XRRA1: variants seen among roughly 807,000 people sequenced by gnomAD.
XRRA1 encodes the protein X-ray radiation resistance associated 1, also known as X-ray radiation resistance-associated protein 1.
XRRA1 carries 69 observed loss-of-function variants against 80.2 expected under a neutral mutation model. The observed-to-expected ratio is 0.86, with a 90% CI of 0.71 to 1.05. XRRA1 has a LOEUF of 1.05. Ranked by LOEUF, XRRA1 falls within the 50% of genes least tolerant of loss-of-function variation. XRRA1 has a pLI of 0.00. For missense variants in XRRA1, 967 were observed against 976.4 expected (o/e 0.99, Z 0.13); for synonymous variants, 348 against 389.9 (o/e 0.89, Z 1.27).
intron 13 of XRRA1, among the ~76,000 whole-genome samples, chr11:74,851,739 G>A (rs2039909233): frequency 1.3e-5 from 2 of 152,192 alleles, no homozygotes; most frequent in African/African-American, 4.8e-5. Flanking sequence ...GTGTGACCTT[G>A]GGCAGATCAT....
At chr11:74,844,396 G>A in intron 16 of XRRA1, 113 bp from the exon 17 acceptor site, 1 of 760,168 alleles carries the variant, frequency 1.3e-6, no homozygotes, top group Non-Finnish European at 2.2e-6. Flanking sequence ...AAGGATTTGA[G>A]AGTCCCCAAA....
chr11:74,892,081 GA>G (rs2050887818), intron 10 of XRRA1, among the ~76,000 whole-genome samples: 1 of 152,118 alleles, frequency 6.6e-6, no homozygotes, highest in African/African-American at 2.4e-5. Context: ...AACCAAAAAA[GA>G]GCCCGCATCG....
intron 10 of XRRA1, among the ~76,000 whole-genome samples, chr11:74,897,693 A>G (rs1170608224): frequency 6.7e-6 from 1 of 148,602 alleles, no homozygotes; most frequent in Non-Finnish European, 1.5e-5. Flanking sequence ...GTGGCATGAC[A>G]TATTTAAACT....
chr11:74,879,905 A>G (rs1306548751), intron 10 of XRRA1, among the ~76,000 whole-genome samples: 3 of 151,894 alleles, frequency 2.0e-5, no homozygotes, highest in East Asian at 1.9e-4. Context: ...ATGTTCATCA[A>G]AGATATGGGT....
At chr11:74,845,028 T>G (rs2037674371) in intron 16 of XRRA1, 45 bp downstream of exon 16, 8 of 1,592,516 alleles carry the variant, frequency 5.0e-6, no homozygotes, top group Non-Finnish European at 6.9e-6. Context: ...CTCTGAGCTG[T>G]GGAGATGGCC....
Position 74,843,211 on chromosome 11 carries a change from A to G in XRRA1, c.2392T>C (p.Ser798Pro). 2 of 1,557,146 alleles carry G rather than the reference A, an allele frequency of 1.3e-6. No individual in the cohort carries two copies. Among genetic ancestry groups the G allele is most frequent in the Non-Finnish European group, 1.7e-6 (2 of 1,150,400 alleles). Reference protein sequence around the residue: ...EFCQEPTASDSQG With the variant: ...EFCQEPTASDPQG Reference sequence around the variant, plus strand: ...CCCCATGCACAGCTCTAGCCTTGTGAGTCACTGGCTGTGGGCTCCTGGCAG... The same window carrying G: ...CCCCATGCACAGCTCTAGCCTTGTGGGTCACTGGCTGTGGGCTCCTGGCAG... Residue 798 changes from serine (S) to proline (P), a missense_variant, in exon 19 of 19, where the codon TCA becomes CCA. Transcript: ENST00000684022.
At chr11:74,943,005 G>A (rs1423964374) in intron 2 of XRRA1, among the ~76,000 whole-genome samples, 1 of 152,234 alleles carries the variant, frequency 6.6e-6, no homozygotes, top group Non-Finnish European at 1.5e-5. Flanking sequence ...CACTGAGGAT[G>A]AGGGAGGGCA....
intron 12 of XRRA1, among the ~76,000 whole-genome samples, chr11:74,855,041 CTCTG>C (rs1432559251): frequency 6.9e-6 from 1 of 145,240 alleles, no homozygotes; most frequent in Non-Finnish European, 1.5e-5. Flanking sequence ...CAGAGTGAGA[CTCTG>C]TCTCAAAAAA....
intron 18 of XRRA1, 179 bp from the exon 19 acceptor site, chr11:74,843,632 T>A: frequency 1.1e-6 from 1 of 893,188 alleles, no homozygotes; most frequent in Non-Finnish European, 1.7e-6. Flanking sequence ...CCCCTATGCA[T>A]TGACTCTATC....
At chr11:74,931,886 A>C (rs1943668383) in intron 5 of XRRA1, 1 of 152,198 alleles carries the variant, frequency 6.6e-6, no homozygotes, top group Admixed American at 6.5e-5. Flanking sequence ...AGTGTATGAG[A>C]AGTCCTATTT....
At chr11:74,911,734 A>T (rs367795516) in intron 8 of XRRA1, among the ~76,000 whole-genome samples, 3 of 152,138 alleles carry the variant, frequency 2.0e-5, no homozygotes, top group East Asian at 3.9e-4. Flanking sequence ...TTTAATATGT[A>T]TAAGAGATGT....
intron 10 of XRRA1, among the ~76,000 whole-genome samples, chr11:74,902,351 G>C (rs189862037): frequency 1.6e-4 from 24 of 152,314 alleles, no homozygotes; most frequent in African/African-American, 5.8e-4. Context: ...ATGAAGAACA[G>C]TTTGGAAGTT....
intron 10 of XRRA1, among the ~76,000 whole-genome samples, chr11:74,868,724 T>A (rs1356361951): frequency 6.6e-6 from 1 of 150,568 alleles, no homozygotes; most frequent in Non-Finnish European, 1.5e-5. Context: ...AAAACAGACA[T>A]TAAACCAACA....
chr11:74,929,800 T>C (rs1052891614), intron 6 of XRRA1, among the ~76,000 whole-genome samples: 1 of 152,158 alleles, frequency 6.6e-6, no homozygotes, highest in Non-Finnish European at 1.5e-5. Context: ...CTTTCACTGC[T>C]CTCCCCTCAT....
chr11:74,914,266 G>A (rs929756773), intron 8 of XRRA1, among the ~76,000 whole-genome samples: 1 of 152,134 alleles, frequency 6.6e-6, no homozygotes, highest in African/African-American at 2.4e-5. Flanking sequence ...GATTACAGGC[G>A]TGAGCCACCG....
At chr11:74,850,210 G>T (rs1462349973) in intron 14 of XRRA1, among the ~76,000 whole-genome samples, 1 of 152,170 alleles carries the variant, frequency 6.6e-6, no homozygotes, top group Non-Finnish European at 1.5e-5. Context: ...TTCATCTACT[G>T]TGAGGATTAT....
At chr11:74,872,355 T>G (rs1047482409) in intron 10 of XRRA1, among the ~76,000 whole-genome samples, 1 of 152,120 alleles carries the variant, frequency 6.6e-6, no homozygotes, top group Non-Finnish European at 1.5e-5. Flanking sequence ...AGAAGGAAAC[T>G]GTAGAAGCAG....
intron 2 of XRRA1, among the ~76,000 whole-genome samples, 182 bp from the exon 3 acceptor site, chr11:74,941,064 G>C (rs2139917403): frequency 6.6e-6 from 1 of 152,230 alleles, no homozygotes; most frequent in East Asian, 1.9e-4. Context: ...CATGAAGAGA[G>C]AAACAAGACC....
chr11:74,865,089 G>A (rs1378521149), intron 10 of XRRA1, among the ~76,000 whole-genome samples: 1 of 152,042 alleles, frequency 6.6e-6, no homozygotes, highest in Non-Finnish European at 1.5e-5. Context: ...GAGACCTGCT[G>A]GGAGACACAT....
Sources: allele counts gnomAD v4.1 joint callset (sites outside exome capture counted in the v4.1 genomes callset), GRCh38; gene constraint gnomAD v4.1.1; transcripts MANE v1.5; gene names NCBI Gene and HGNC (gene_info 2026-07-23, HGNC 2026-07-21).